ANXA2: variants seen among roughly 807,000 people sequenced by gnomAD.
ANXA2 encodes the protein annexin II.
ANXA2 carries 28 observed loss-of-function variants against 47.3 expected under a neutral mutation model. The observed-to-expected ratio is 0.59, with a 90% CI of 0.44 to 0.81. The LOEUF is 0.81. Among genes scored for constraint, ANXA2 ranks in the 40% least tolerant of loss-of-function variants. The pLI, the probability that ANXA2 is intolerant of heterozygous loss-of-function variation, is 0.00. For synonymous variants in ANXA2, 172 were observed against 155.5 expected (o/e 1.11, Z -0.79); for missense variants, 384 against 414.3 (o/e 0.93, Z 0.64).
chr15:60,352,356 C>T lies in ANXA2; in HGVS notation c.682+27G>A. 1 of 1,576,788 alleles carries T rather than the reference C, an allele frequency of 6.3e-7. No individual in the cohort carries two copies. The highest frequency in any genetic ancestry group is 8.7e-7 in the Non-Finnish European group (1 of 1,150,250). ...CCGCCCCAGCCAGGGCCCCAAGGCA[C>T]TGAGACTCCCTCAGCACAGTGCCCA... On this transcript the variant is annotated intron_variant, in intron 9 of 12. Transcript: ENST00000451270. This position sits in a 1 kb window ranked among gnomAD's most constrained non-coding sequence, Gnocchi z 4.2.
intron 1 of ANXA2, among the ~76,000 whole-genome samples, chr15:60,393,843 T>C (rs1421845660): frequency 1.3e-5 from 2 of 152,222 alleles, no homozygotes; most frequent in African/African-American, 4.8e-5. Context: ...GCACAGTGCC[T>C]GGCACACGAT....
At chr15:60,364,399 A>G in intron 4 of ANXA2, 30 bp downstream of exon 4, 1 of 1,569,584 alleles carries the variant, frequency 6.4e-7, no homozygotes, top group Non-Finnish European at 8.7e-7. Context: ...TTCAACAAGA[A>G]ATGCCCTCCA....
At chr15:60,350,856 C>T (rs1413166437) in intron 11 of ANXA2, among the ~76,000 whole-genome samples, 1 of 152,136 alleles carries the variant, frequency 6.6e-6, no homozygotes, top group Non-Finnish European at 1.5e-5. Context: ...GCTTAATAAT[C>T]GCTCCCTTCC....
chr15:60,354,031 CAT>C (rs1339829772), intron 8 of ANXA2, 121 bp downstream of exon 8: 3 of 673,228 alleles, frequency 4.5e-6, no homozygotes, highest in African/African-American at 3.6e-5. Context: ...AGAAATAATA[CAT>C]GTTTGTTGTT....
At chr15:60,388,437 T>C (rs2140927892) in intron 1 of ANXA2, among the ~76,000 whole-genome samples, 1 of 152,268 alleles carries the variant, frequency 6.6e-6, no homozygotes, top group East Asian at 1.9e-4. Context: ...GGTCTCGAAC[T>C]CCTAGCCTCA....
At chr15:60,353,915 C>T (rs779948202) in intron 8 of ANXA2, among the ~76,000 whole-genome samples, 4 of 152,182 alleles carry the variant, frequency 2.6e-5, no homozygotes, top group Non-Finnish European at 5.9e-5. Flanking sequence ...CAGTCAAGCC[C>T]TCAGGTGACT....
chr15:60,364,034 G>T (rs1178846635), intron 4 of ANXA2, among the ~76,000 whole-genome samples: 2 of 152,204 alleles, frequency 1.3e-5, no homozygotes. Context: ...CCTCCAGGTA[G>T]CCTGGGTTGG....
chr15:60,359,321 G>A (rs1595671022), intron 5 of ANXA2, among the ~76,000 whole-genome samples: 1 of 152,140 alleles, frequency 6.6e-6, no homozygotes, highest in East Asian at 1.9e-4. Context: ...CAACTAAATA[G>A]ATTCTTGATG....
At chr15:60,347,841 G>C in intron 12 of ANXA2, 152 bp from the exon 13 acceptor site, 1 of 710,822 alleles carries the variant, frequency 1.4e-6, no homozygotes, top group Non-Finnish European at 2.3e-6. Flanking sequence ...AGGCCTGGAA[G>C]GCCACACCCA....
intron 1 of ANXA2, chr15:60,393,161 G>T (rs978892901): frequency 3.2e-6 from 4 of 1,258,008 alleles, no homozygotes; most frequent in Non-Finnish European, 4.1e-6. Flanking sequence ...AACTGAGCAG[G>T]AGGGACACAC....
At chr15:60,351,146 G>A (rs189569039) in intron 11 of ANXA2, 47 bp downstream of exon 11, 236 of 1,601,468 alleles carry the variant, frequency 1.5e-4, no homozygotes, top group Middle Eastern at 6.6e-4. Flanking sequence ...CCCAAAAGAA[G>A]AAAAGCTGAG....
intron 3 of ANXA2, among the ~76,000 whole-genome samples, chr15:60,367,394 G>C (rs1201282168): frequency 3.8e-5 from 1 of 26,508 alleles, no homozygotes; most frequent in African/African-American, 1.9e-4. Context: ...GGAGGGAGGC[G>C]GGGGGGGGTC....
intron 3 of ANXA2, among the ~76,000 whole-genome samples, chr15:60,371,429 T>G (rs552177573): frequency 6.6e-6 from 1 of 152,304 alleles, no homozygotes; most frequent in Non-Finnish European, 1.5e-5. Flanking sequence ...AAAATCAGCC[T>G]CCTGGAGTTT....
chr15:60,373,820 T>C (rs1484207531), intron 3 of ANXA2, among the ~76,000 whole-genome samples: 4 of 152,246 alleles, frequency 2.6e-5, no homozygotes, highest in Non-Finnish European at 5.9e-5. Context: ...TTCATTCAGC[T>C]TCTCTGTCAC....
At chr15:60,359,601 C>A (rs971842060) in intron 5 of ANXA2, among the ~76,000 whole-genome samples, 1 of 152,220 alleles carries the variant, frequency 6.6e-6, no homozygotes, top group Non-Finnish European at 1.5e-5. Context: ...GACTTAACAA[C>A]AAATCTTACA....
intron 1 of ANXA2, among the ~76,000 whole-genome samples, chr15:60,387,793 G>T (rs1349604496): frequency 6.6e-6 from 1 of 152,140 alleles, no homozygotes; most frequent in Admixed American, 6.5e-5. Context: ...ACCCTGATAC[G>T]GGATGTTGAC....
chr15:60,366,385 C>T (rs1467330582), intron 3 of ANXA2, among the ~76,000 whole-genome samples: 1 of 150,690 alleles, frequency 6.6e-6, no homozygotes, highest in Non-Finnish European at 1.5e-5. Context: ...CGCCGCCATC[C>T]CATCTAGGAA....
intron 5 of ANXA2, among the ~76,000 whole-genome samples, chr15:60,360,236 A>C (rs1014628901): frequency 2.0e-5 from 3 of 152,214 alleles, no homozygotes; most frequent in African/African-American, 7.2e-5. Context: ...AGCCTGGGCA[A>C]CAAGAGCGAA....
At chr15:60,397,771 G>A in intron 1 of ANXA2, 172 bp downstream of exon 1, 3 of 1,074,322 alleles carry the variant, frequency 2.8e-6, no homozygotes, top group Middle Eastern at 2.2e-4. Context: ...TTGTCCCTGA[G>A]CCCCCTCCCC....
Sources: gnomAD v4.1 joint callset for allele counts (sites outside exome capture counted in the v4.1 genomes callset) on GRCh38, gnomAD v4.1.1 for gene constraint, Gnocchi (gnomAD v3.1) non-coding constraint, MANE v1.5 for transcripts, NCBI Gene and HGNC (gene_info 2026-07-23, HGNC 2026-07-21) for gene names.